The following ERC2 variants were observed in gnomAD, a reference collection of about 807,000 sequenced individuals.
ERC2 encodes the protein ELKS/RAB6-interacting/CAST family member 2, also known as ERC protein 2.
In ERC2, 42 loss-of-function variants were observed where a neutral mutation model predicts 114.8. The observed-to-expected ratio is 0.37, with a 90% confidence interval of 0.29 to 0.47. The LOEUF is 0.47. Among genes scored for constraint, ERC2 ranks in the 20% least tolerant of loss-of-function variants. The pLI, the probability that ERC2 is intolerant of heterozygous loss-of-function variation, is 0.99. For missense variants in ERC2, 939 were observed against 1,150.7 expected (o/e 0.82, Z 2.66); for synonymous variants, 454 against 425.5 (o/e 1.07, Z -0.82).
chr3:56,079,460 G>A (rs919134384), intron 7 of ERC2, among the ~76,000 whole-genome samples: 1 of 152,098 alleles, frequency 6.6e-6, no homozygotes, highest in African/African-American at 2.4e-5. Context: ...AGAACACAAA[G>A]GCCACAGTGA....
At chr3:56,375,117 A>G (rs1485280078) in intron 2 of ERC2, among the ~76,000 whole-genome samples, 3 of 152,172 alleles carry the variant, frequency 2.0e-5, no homozygotes, top group Non-Finnish European at 4.4e-5. Context: ...GTCCACCACA[A>G]GGGAGAATTT....
chr3:56,190,374 G>A (rs1292844870), intron 3 of ERC2, among the ~76,000 whole-genome samples: 1 of 152,186 alleles, frequency 6.6e-6, no homozygotes, highest in Non-Finnish European at 1.5e-5. Context: ...GTTACCAGGT[G>A]TAAAGCCAGC....
chr3:55,684,045 C>T (rs1308500489), intron 16 of ERC2, among the ~76,000 whole-genome samples, 186 bp from the exon 17 acceptor site: 1 of 152,078 alleles, frequency 6.6e-6, no homozygotes, highest in African/African-American at 2.4e-5. Flanking sequence ...TTGTCAAATA[C>T]ATAACCGGGT....
chr3:56,062,195 T>C (rs2076271720), intron 7 of ERC2, among the ~76,000 whole-genome samples: 1 of 152,194 alleles, frequency 6.6e-6, no homozygotes, highest in Non-Finnish European at 1.5e-5. Context: ...GGTACTTACA[T>C]GTAAGCTAAT....
chr3:56,358,142 T>A (rs1400198111), intron 2 of ERC2, among the ~76,000 whole-genome samples: 1 of 152,116 alleles, frequency 6.6e-6, no homozygotes, highest in African/African-American at 2.4e-5. Flanking sequence ...AGTTTATTGT[T>A]GGAATGAACT....
At chr3:55,866,439 C>T (rs1165702477) in intron 14 of ERC2, among the ~76,000 whole-genome samples, 3 of 152,076 alleles carry the variant, frequency 2.0e-5, no homozygotes, top group Non-Finnish European at 4.4e-5. Context: ...TTGATAGTAT[C>T]GTTTGTAGCA....
intron 17 of ERC2, among the ~76,000 whole-genome samples, chr3:55,573,633 C>T (rs1178569987): frequency 6.6e-6 from 1 of 152,068 alleles, no homozygotes; most frequent in South Asian, 2.1e-4. Context: ...TTTCCATTTG[C>T]ACAGCCAAGG....
At chr3:56,432,450 C>A (rs2061833960) in intron 2 of ERC2, among the ~76,000 whole-genome samples, 1 of 152,134 alleles carries the variant, frequency 6.6e-6, no homozygotes, top group South Asian at 2.1e-4. Flanking sequence ...ACTTCATGAA[C>A]CAGCAAAATC....
At chr3:55,529,484 C>T (rs2053539295) in intron 17 of ERC2, among the ~76,000 whole-genome samples, 1 of 152,154 alleles carries the variant, frequency 6.6e-6, no homozygotes, top group Non-Finnish European at 1.5e-5. Context: ...CAAGAGTAGC[C>T]TAACCTTTAC....
At chr3:55,668,467 G>A (rs2061438334) in intron 17 of ERC2, among the ~76,000 whole-genome samples, 1 of 152,176 alleles carries the variant, frequency 6.6e-6, no homozygotes, top group African/African-American at 2.4e-5. Context: ...TTCCTTAACG[G>A]TTGTGCTCCA....
chr3:55,835,679 T>C (rs545771191), intron 14 of ERC2, among the ~76,000 whole-genome samples: 110 of 152,310 alleles, frequency 7.2e-4, no homozygotes, highest in African/African-American at 2.6e-3. Context: ...AGCATTCCCT[T>C]TGAAAACTGG....
At chr3:55,761,647 T>C (rs1376963614) in intron 14 of ERC2, among the ~76,000 whole-genome samples, 2 of 152,128 alleles carry the variant, frequency 1.3e-5, no homozygotes, top group East Asian at 1.9e-4. Flanking sequence ...CTCATCTATA[T>C]AATTGTAATC....
At chr3:55,708,651 A>G (rs1185212) in intron 15 of ERC2, among the ~76,000 whole-genome samples, 78,964 of 152,018 alleles carry the variant, frequency 0.52, 21,261 homozygotes, top group South Asian at 0.69. Context: ...CAGTGTGGAA[A>G]CATTCTGTGC....
intron 6 of ERC2, among the ~76,000 whole-genome samples, chr3:56,123,763 C>T (rs1487264581): frequency 6.6e-6 from 1 of 152,200 alleles, no homozygotes; most frequent in Non-Finnish European, 1.5e-5. Context: ...CCCCATTGTA[C>T]TGTGTCTCCT....
intron 16 of ERC2, among the ~76,000 whole-genome samples, chr3:55,684,086 C>T (rs1015186393): frequency 6.6e-6 from 1 of 152,158 alleles, no homozygotes; most frequent in Non-Finnish European, 1.5e-5. Context: ...CACACAAAAA[C>T]ATTCCACCCA....
At chr3:55,865,111 G>T (rs1328890119) in intron 14 of ERC2, among the ~76,000 whole-genome samples, 4 of 151,870 alleles carry the variant, frequency 2.6e-5, no homozygotes, top group Non-Finnish European at 5.9e-5. Context: ...TACTGAAAAA[G>T]CCCTTTGTAT....
At chr3:56,458,922 C>T (rs2063187695) in intron 1 of ERC2, among the ~76,000 whole-genome samples, 2 of 152,204 alleles carry the variant, frequency 1.3e-5, no homozygotes, top group East Asian at 1.9e-4. Context: ...GTGATGACAG[C>T]TGGAGCTGGC....
At chr3:56,056,994 T>A (rs1311224979) in intron 7 of ERC2, among the ~76,000 whole-genome samples, 1 of 152,142 alleles carries the variant, frequency 6.6e-6, no homozygotes, top group Non-Finnish European at 1.5e-5. Context: ...AAGGAACTTG[T>A]CTAACCTACA....
In ERC2 at chr3:55,726,551, C is replaced by T. The variant is rs142211445; in HGVS notation, c.2712+8220G>A. Reference sequence around the variant, plus strand: ...GATTCCATCCTTGTAGGTGGCTCTCCTGAACACATTCCAGGGCAGCCTCTG... The same window carrying T: ...GATTCCATCCTTGTAGGTGGCTCTCTTGAACACATTCCAGGGCAGCCTCTG... On this transcript the variant is annotated intron_variant, in intron 15 of 17. Coordinates refer to ENST00000288221, the MANE Select transcript of ERC2 (RefSeq NM_015576.3). Among the ~76,000 whole-genome samples the T allele has an allele frequency of 4.8e-3, 736 of 152,286 alleles. 8 individuals carry two copies. The highest frequency in any genetic ancestry group is 0.017 in the African/African-American group (696 of 41,560).
Sources: allele counts gnomAD v4.1 joint callset (sites outside exome capture counted in the v4.1 genomes callset), GRCh38; gene constraint gnomAD v4.1.1; transcripts MANE v1.5; gene names NCBI Gene and HGNC (gene_info 2026-07-23, HGNC 2026-07-21).